Variants in PDE8A observed in about 807,000 individuals in gnomAD.
The protein encoded by PDE8A is high affinity cAMP-specific and IBMX-insensitive 3',5'-cyclic phosphodiesterase 8A.
A neutral mutation model predicts 105.0 loss-of-function variants in PDE8A; 59 were observed. That is an observed-to-expected ratio of 0.56 (90% CI 0.46 to 0.70). The LOEUF (loss-of-function observed/expected upper bound fraction) is 0.70, where lower values mean the gene tolerates loss of function less well. Ranked by LOEUF, PDE8A falls within the 30% of genes least tolerant of loss-of-function variation. PDE8A has a pLI of 0.00. For missense variants in PDE8A, 1,014 were observed against 1,045.9 expected (o/e 0.97, Z 0.42); for synonymous variants, 355 against 371.9 (o/e 0.95, Z 0.52).
chr15:85,023,213 C>T (rs143745051), intron 1 of PDE8A, among the ~76,000 whole-genome samples: 18 of 152,214 alleles, frequency 1.2e-4, no homozygotes, highest in East Asian at 3.9e-4. Context: ...TTGAGGACGT[C>T]GCTGAATAGG....
At chr15:85,054,455 T>C (rs2081028055) in intron 1 of PDE8A, among the ~76,000 whole-genome samples, 1 of 152,264 alleles carries the variant, frequency 6.6e-6, no homozygotes, top group Middle Eastern at 3.4e-3. Context: ...GTACGGGACT[T>C]TTTTTGGTTG....
chr15:85,030,372 A>G (rs925266937), intron 1 of PDE8A, among the ~76,000 whole-genome samples: 1 of 151,992 alleles, frequency 6.6e-6, no homozygotes. Context: ...TCTCCCAGCC[A>G]CAGTCACTAG....
At chr15:85,122,115 C>T (rs1294393203) in intron 18 of PDE8A, among the ~76,000 whole-genome samples, 2 of 152,164 alleles carry the variant, frequency 1.3e-5, no homozygotes, top group Non-Finnish European at 2.9e-5. Flanking sequence ...GAAGCCTTCC[C>T]TGATCTCTCA....
At position 84,994,846 on chromosome 15, in the gene PDE8A, C is replaced by G. The variant is rs750942791; in HGVS notation, c.186+12498C>G. Among the ~76,000 whole-genome samples, 3 of 152,056 alleles carry G rather than the reference C, an allele frequency of 2.0e-5. No homozygotes were observed. The East Asian group carries it at 5.8e-4, about 29-fold the overall frequency. On this transcript the variant is annotated intron_variant, in intron 1 of 21. Transcript: ENST00000394553. ...GGGCATGGTGGCAGGTGCCTATAATCCTAGCTACTAGAGGCTGAGGCAGGA... is the reference window on the plus strand; with the variant it reads ...GGGCATGGTGGCAGGTGCCTATAATGCTAGCTACTAGAGGCTGAGGCAGGA...
chr15:85,113,424 A>T lies in PDE8A; in HGVS notation c.1162A>T (p.Thr388Ser), dbSNP rs1429079286. 1 of 1,614,118 alleles carries T rather than the reference A, an allele frequency of 6.2e-7. No individual in the cohort carries two copies. The highest frequency in any genetic ancestry group is 1.7e-5 in the Admixed American group (1 of 60,024). ...HSSMARIHSM[T>S]IEAPITKVIN... is the part of the protein sequence containing the mutation. ...TTCCATGGCCCGGATACATTCCATGACAATTGAGGCGCCCATCACCAAGGT... is the reference window on the plus strand; with the variant it reads ...TTCCATGGCCCGGATACATTCCATGTCAATTGAGGCGCCCATCACCAAGGT... The change falls in exon 13 of 22, where the codon ACA becomes TCA. Residue 388 changes from threonine (T) to serine (S), a missense_variant. By Grantham distance (58) the Thr-to-Ser change is moderately conservative (BLOSUM62 1). Coordinates refer to ENST00000394553, the MANE Select transcript of PDE8A (RefSeq NM_002605.3).
At chr15:85,002,343 A>G (rs1366377719) in intron 1 of PDE8A, among the ~76,000 whole-genome samples, 1 of 152,094 alleles carries the variant, frequency 6.6e-6, no homozygotes, top group Non-Finnish European at 1.5e-5. Flanking sequence ...GTTTATTAGG[A>G]AGGATATATT....
intron 1 of PDE8A, among the ~76,000 whole-genome samples, chr15:85,023,588 G>T (rs1482496147): frequency 6.6e-6 from 1 of 150,704 alleles, no homozygotes; most frequent in African/African-American, 2.4e-5. Flanking sequence ...AATTATTGGA[G>T]GAGGAATTAG....
chr15:85,096,065 C>A (rs2081745249), intron 8 of PDE8A, among the ~76,000 whole-genome samples: 2 of 151,708 alleles, frequency 1.3e-5, no homozygotes, highest in Admixed American at 6.6e-5. Flanking sequence ...TTAGTAGAGA[C>A]AGGGTTTCAC....
chr15:85,119,236 T>C (rs1162144056), intron 17 of PDE8A, among the ~76,000 whole-genome samples: 1 of 152,002 alleles, frequency 6.6e-6, no homozygotes, highest in African/African-American at 2.4e-5. Context: ...CCCAGTACTT[T>C]GGGATACCAA....
chr15:85,007,807 T>A (rs1468603287), intron 1 of PDE8A, among the ~76,000 whole-genome samples: 1 of 152,116 alleles, frequency 6.6e-6, no homozygotes, highest in Admixed American at 6.5e-5. Flanking sequence ...TAAATGCGAA[T>A]ATGTATGAGG....
At chr15:85,017,861 T>C (rs185990513) in intron 1 of PDE8A, among the ~76,000 whole-genome samples, 1 of 100,662 alleles carries the variant, frequency 9.9e-6, no homozygotes, top group African/African-American at 3.9e-5. Flanking sequence ...CACTCCAGCC[T>C]GAGCAACAGG....
At chr15:85,076,250 G>A (rs146492063) in intron 4 of PDE8A, among the ~76,000 whole-genome samples, 137 of 152,182 alleles carry the variant, frequency 9.0e-4, no homozygotes, top group Middle Eastern at 3.4e-3. Context: ...GGAATCTTAG[G>A]TTTTGTCTTT....
intron 1 of PDE8A, among the ~76,000 whole-genome samples, chr15:85,047,649 TTAAAA>T (rs1596470977): frequency 6.6e-6 from 1 of 152,218 alleles, no homozygotes. Flanking sequence ...CCTTTATTTC[TTAAAA>T]TAAATCCAAA....
At chr15:85,037,987 C>G (rs554429246) in intron 1 of PDE8A, among the ~76,000 whole-genome samples, 6 of 152,166 alleles carry the variant, frequency 3.9e-5, no homozygotes, top group African/African-American at 1.2e-4. Flanking sequence ...CCCAACAATA[C>G]TCTTGAAATA....
Position 85,127,859 on chromosome 15 carries a change from TA to T in PDE8A, c.2253+1490del, listed in dbSNP as rs568905440. On this transcript the variant is annotated intron_variant, in intron 20 of 21. Transcript: ENST00000394553. Reference sequence around the variant, plus strand: ...GACCTTGAATAAGCAAAGCAAACTTTAAAAAGTTGGAAGATATGCCCTGTTT... The same window carrying T: ...GACCTTGAATAAGCAAAGCAAACTTTAAAAGTTGGAAGATATGCCCTGTTT... Among the ~76,000 whole-genome samples the T allele has an allele frequency of 7.2e-5, 11 of 152,108 alleles. No individual in the cohort carries two copies. In the East Asian group the frequency reaches 1.9e-3, roughly 27 times the overall value.
At chr15:85,053,102 G>C (rs1037676310) in intron 1 of PDE8A, among the ~76,000 whole-genome samples, 10 of 152,044 alleles carry the variant, frequency 6.6e-5, no homozygotes, top group African/African-American at 1.9e-4. Flanking sequence ...TCTTGTTTTT[G>C]TCAGGTTTGT....
intron 1 of PDE8A, among the ~76,000 whole-genome samples, chr15:85,035,368 C>T (rs1271580580): frequency 6.6e-6 from 1 of 151,896 alleles, no homozygotes; most frequent in Non-Finnish European, 1.5e-5. Context: ...GCCACCACGC[C>T]CAGCTAATTT....
At chr15:85,071,323 A>G (rs568439853) in intron 3 of PDE8A, among the ~76,000 whole-genome samples, 4 of 152,362 alleles carry the variant, frequency 2.6e-5, no homozygotes, top group Middle Eastern at 3.4e-3. Flanking sequence ...CAGAGCAGCA[A>G]GGCTTTATGA....
chr15:85,092,225 G>T (rs997720255), intron 8 of PDE8A, among the ~76,000 whole-genome samples: 1 of 152,110 alleles, frequency 6.6e-6, no homozygotes, highest in South Asian at 2.1e-4. Flanking sequence ...GGAAATAATA[G>T]GCCAGCTGCA....
Sources: allele counts gnomAD v4.1 joint callset (sites outside exome capture counted in the v4.1 genomes callset), GRCh38; gene constraint gnomAD v4.1.1; transcripts MANE v1.5; gene names NCBI Gene and HGNC (gene_info 2026-07-23, HGNC 2026-07-21).